Variants in SRGAP3 observed in about 807,000 individuals in gnomAD.
SRGAP3 encodes SLIT-ROBO Rho GTPase-activating protein 3.
Under a neutral mutation model 121.1 loss-of-function variants are expected in SRGAP3, and 39 were observed. The ratio of observed to expected loss-of-function variants is 0.32; its 90% CI spans 0.25 to 0.42. SRGAP3 has a LOEUF of 0.42. Among genes scored for constraint, SRGAP3 ranks in the 10% least tolerant of loss-of-function variants. The pLI is 1.00. For missense variants in SRGAP3, 1,213 were observed against 1,470.6 expected (o/e 0.82, Z 2.86); for synonymous variants, 601 against 570.0 (o/e 1.05, Z -0.77).
chr3:8,995,229 C>T (rs1290846090), intron 18 of SRGAP3, among the ~76,000 whole-genome samples: 3 of 152,066 alleles, frequency 2.0e-5, no homozygotes, highest in Non-Finnish European at 4.4e-5. Context: ...CCCAACACTT[C>T]GGGAGGCTGA....
intron 15 of SRGAP3, among the ~76,000 whole-genome samples, chr3:9,015,185 C>G (rs921542088): frequency 6.6e-6 from 1 of 152,178 alleles, no homozygotes; most frequent in Non-Finnish European, 1.5e-5. Flanking sequence ...CATTCAAGGT[C>G]TTCCCCCTTT....
At chr3:9,009,942 C>T (rs1943277893) in intron 18 of SRGAP3, among the ~76,000 whole-genome samples, 1 of 152,230 alleles carries the variant, frequency 6.6e-6, no homozygotes, top group South Asian at 2.1e-4. Context: ...CCAGCACAGG[C>T]TTGGCACAGA....
intron 1 of SRGAP3, among the ~76,000 whole-genome samples, chr3:9,159,421 G>A (rs1254581816): frequency 3.3e-5 from 5 of 152,182 alleles, no homozygotes; most frequent in Non-Finnish European, 7.3e-5. Flanking sequence ...CTGGGCCACT[G>A]TAGGACACCA....
At chr3:9,323,629 G>A (rs953689395) in intron 3 of SRGAP3, among the ~76,000 whole-genome samples, 2 of 151,842 alleles carry the variant, frequency 1.3e-5, no homozygotes, top group Non-Finnish European at 2.9e-5. Flanking sequence ...ATGGTAGGCT[G>A]TGAATCAGAT....
rs533661813 is a variant in SRGAP3 at position 9,015,978 on chromosome 3, A to C, written c.1679-247T>G. 135 of 534,580 alleles carry C rather than the reference A, an allele frequency of 2.5e-4. 1 individual carries two copies. Among genetic ancestry groups the C allele is most frequent in the African/African-American group, 2.1e-3 (112 of 52,812 alleles). 33.1% of individuals were successfully genotyped at this position (534,580 alleles called of 1,614,324 possible). A position where few individuals can be genotyped will look rare whatever the true frequency, so the allele number is the denominator to read the frequency against. ...TGAACGCCCATCACCCTTCGCTTACAACTCATCTTGCCACATTTGATTTCT... is the reference window on the plus strand; with the variant it reads ...TGAACGCCCATCACCCTTCGCTTACCACTCATCTTGCCACATTTGATTTCT... On this transcript the variant is annotated intron_variant, in intron 14 of 21. Coordinates refer to ENST00000383836, the MANE Select transcript of SRGAP3 (RefSeq NM_014850.4).
chr3:9,293,036 GAAAA>G (rs899229477), intron 3 of SRGAP3: 1 of 141,116 alleles, frequency 7.1e-6, no homozygotes, highest in Non-Finnish European at 1.6e-5. Context: ...AAGAAAGAAA[GAAAA>G]AAGAAAATGA....
At chr3:9,029,977 C>CA (rs142407625) in intron 12 of SRGAP3, among the ~76,000 whole-genome samples, 62,727 of 135,058 alleles carry the variant, frequency 0.46, 14,837 homozygotes, top group African/African-American at 0.67. Flanking sequence ...CCTGTCTCTA[C>CA]AAAAAAAAAA....
chr3:9,256,192 TC>T (rs150545824), intron 3 of SRGAP3, among the ~76,000 whole-genome samples: 7,148 of 152,226 alleles, frequency 0.047, 561 homozygotes, highest in African/African-American at 0.16. Context: ...GCTGCCAAGG[TC>T]CTCTGGCTTT....
At chr3:9,177,396 G>A (rs937700475) in intron 1 of SRGAP3, among the ~76,000 whole-genome samples, 1 of 152,228 alleles carries the variant, frequency 6.6e-6, no homozygotes, top group Non-Finnish European at 1.5e-5. Flanking sequence ...AGGCCCTTTG[G>A]AAGGAGGAAT....
chr3:9,162,643 G>A (rs1321154189), intron 1 of SRGAP3, among the ~76,000 whole-genome samples: 1 of 152,214 alleles, frequency 6.6e-6, no homozygotes, highest in Non-Finnish European at 1.5e-5. Flanking sequence ...TGGCAGGTGG[G>A]GGCACACACA....
At chr3:9,247,881 G>A (rs938269943) in intron 1 of SRGAP3, among the ~76,000 whole-genome samples, 1 of 152,264 alleles carries the variant, frequency 6.6e-6, no homozygotes, top group East Asian at 1.9e-4. Flanking sequence ...GAGCCTGCTG[G>A]ATGGAGCTTT....
At chr3:9,170,065 T>G (rs1371560024) in intron 1 of SRGAP3, among the ~76,000 whole-genome samples, 1 of 152,166 alleles carries the variant, frequency 6.6e-6, no homozygotes, top group African/African-American at 2.4e-5. Flanking sequence ...AATGAAGATT[T>G]AATCTATGTA....
At chr3:9,006,175 C>G (rs1943059706) in intron 18 of SRGAP3, among the ~76,000 whole-genome samples, 2 of 151,848 alleles carry the variant, frequency 1.3e-5, no homozygotes, top group African/African-American at 4.8e-5. Context: ...CTGAGGCAAG[C>G]AGATCACGAG....
chr3:9,220,992 C>T (rs903787064), intron 1 of SRGAP3, among the ~76,000 whole-genome samples: 1 of 152,230 alleles, frequency 6.6e-6, no homozygotes, highest in African/African-American at 2.4e-5. Flanking sequence ...CTGGTGACAG[C>T]ATCTGCCTTA....
At chr3:9,332,619 T>C (rs1266194590) in intron 1 of SRGAP3, among the ~76,000 whole-genome samples, 2 of 152,246 alleles carry the variant, frequency 1.3e-5, no homozygotes, top group African/African-American at 4.8e-5. Flanking sequence ...CAAGAGAGTT[T>C]TTTTCTATAT....
chr3:9,254,427 T>C (rs1184802824), upstream of SRGAP3, among the ~76,000 whole-genome samples: 1 of 152,208 alleles, frequency 6.6e-6, no homozygotes, highest in Non-Finnish European at 1.5e-5. Flanking sequence ...GAAGAGTGGT[T>C]GTCAGGGGCT....
chr3:9,342,620 T>C (rs1955808225), intron 1 of SRGAP3, among the ~76,000 whole-genome samples: 1 of 152,248 alleles, frequency 6.6e-6, no homozygotes, highest in Admixed American at 6.5e-5. Flanking sequence ...TGGGTGGGCC[T>C]GATGCCAGTG....
intron 3 of SRGAP3, among the ~76,000 whole-genome samples, chr3:9,280,639 T>A (rs973403480): frequency 6.6e-6 from 1 of 152,240 alleles, no homozygotes; most frequent in Non-Finnish European, 1.5e-5. Flanking sequence ...AACCCCTTTT[T>A]TCAAGGCCAC....
chr3:9,102,634 C>G (rs1167087354), intron 3 of SRGAP3, among the ~76,000 whole-genome samples: 1 of 152,242 alleles, frequency 6.6e-6, no homozygotes, highest in Non-Finnish European at 1.5e-5. Flanking sequence ...AGCCAGGCTC[C>G]GTCCGCGCCT....
Sources: allele counts gnomAD v4.1 joint callset (sites outside exome capture counted in the v4.1 genomes callset), GRCh38; gene constraint gnomAD v4.1.1; transcripts MANE v1.5; gene names NCBI Gene and HGNC (gene_info 2026-07-23, HGNC 2026-07-21).